SETD5: variants seen among roughly 807,000 people sequenced by gnomAD.
SETD5 encodes the protein SET domain containing 5.
Under a neutral mutation model 153.3 loss-of-function variants are expected in SETD5, and 44 were observed. The observed-to-expected ratio is 0.29, with a 90% CI of 0.23 to 0.37. SETD5 has a LOEUF of 0.37. Ranked by LOEUF, SETD5 falls within the 10% of genes least tolerant of loss-of-function variation. The probability of loss-of-function intolerance (pLI) is 1.00; values close to 1 mark genes in which losing one functional copy is unlikely to be tolerated. For missense variants in SETD5, 1,544 were observed against 1,768.0 expected (o/e 0.87, Z 2.27); for synonymous variants, 716 against 645.2 (o/e 1.11, Z -1.66).
In SETD5 at chr3:9,440,537, T is replaced by C; in HGVS notation, c.649T>C (p.Tyr217His). Residue 217 changes from tyrosine to histidine, a missense_variant, in exon 8 of 23, where the codon TAT becomes CAT. This residue lies in a region of SETD5 where 251 missense variants were observed against 326.9 expected (regional missense o/e 0.77). Transcript: ENST00000402198. ...ENRIRLWTDQYEEAFTNQYSA... is the reference protein window; with the variant it reads ...ENRIRLWTDQHEEAFTNQYSA... Reference sequence around the variant, plus strand: ...TCGGATAAGACTATGGACTGACCAGTATGAAGAAGCTTTCACTAATCAGTA... The same window carrying C: ...TCGGATAAGACTATGGACTGACCAGCATGAAGAAGCTTTCACTAATCAGTA... 1 of 1,613,940 alleles carries C rather than the reference T, an allele frequency of 6.2e-7. No homozygotes were observed. The highest frequency in any genetic ancestry group is 8.5e-7 in the Non-Finnish European group (1 of 1,179,834).
At chr3:9,436,997 A>C (rs998408874) in intron 7 of SETD5, 1 of 987,422 alleles carries the variant, frequency 1.0e-6, no homozygotes, top group Non-Finnish European at 1.5e-6. Flanking sequence ...TCTGCTTTTC[A>C]TTAGTTTGTA....
intron 7 of SETD5, among the ~76,000 whole-genome samples, chr3:9,437,433 G>C (rs2040705522): frequency 1.3e-5 from 2 of 152,190 alleles, no homozygotes; most frequent in African/African-American, 4.8e-5. Context: ...CAAGTATGTG[G>C]AATGGTTTAA....
At chr3:9,399,858 G>T (rs73115804) in intron 1 of SETD5, among the ~76,000 whole-genome samples, 17,548 of 150,496 alleles carry the variant, frequency 0.12, 1,396 homozygotes, top group Non-Finnish European at 0.18. Context: ...TGTGTAAGGA[G>T]TGGGGGTGGG....
rs1363300440 is a variant in SETD5, at chr3:9,464,445, A to C, written c.2497A>C (p.Lys833Gln). Residue 833 changes from lysine to glutamine, a missense_variant, in exon 18 of 23, where the codon AAA becomes CAA. Coordinates refer to ENST00000402198, the MANE Select transcript of SETD5 (RefSeq NM_001080517.3). Reference sequence around the variant, plus strand: ...CACAGACTTGTTGAGCCCATTAAAGAAATGGAAGTCTCGCTATCTGATGGA... The same window carrying C: ...CACAGACTTGTTGAGCCCATTAAAGCAATGGAAGTCTCGCTATCTGATGGA... Reference protein sequence around the residue: ...DNADLLSPLKKWKSRYLMEQN... With the variant: ...DNADLLSPLKQWKSRYLMEQN... 3 of 1,611,902 alleles carry C rather than the reference A, an allele frequency of 1.9e-6. No homozygotes were observed. Among genetic ancestry groups the C allele is most frequent in the South Asian group, 1.1e-5 (1 of 91,070 alleles).
rs1419822163 is a variant in SETD5 at position 9,464,682 on chromosome 3, G to A, written c.2724+10G>A. 1.2e-6 allele frequency: 2 copies of A among 1,614,002 alleles called. No individual in the cohort carries two copies. The highest frequency in any genetic ancestry group is 1.7e-6 in the Non-Finnish European group (2 of 1,179,886). On this transcript the variant is annotated intron_variant, in intron 18 of 22. Transcript: ENST00000402198. Reference sequence around the variant, plus strand: ...TCCTCTACAGTTTGAGGTGATTTGGGTTTGGTTGCTGGGAGTGCTGGATAT... The same window carrying A: ...TCCTCTACAGTTTGAGGTGATTTGGATTTGGTTGCTGGGAGTGCTGGATAT...
At chr3:9,406,388 G>T (rs1344078710) in intron 1 of SETD5, among the ~76,000 whole-genome samples, 1 of 152,088 alleles carries the variant, frequency 6.6e-6, no homozygotes, top group African/African-American at 2.4e-5. Flanking sequence ...AAACTACTAT[G>T]CCCATGGAAG....
chr3:9,411,273 C>T (rs1159157274), intron 1 of SETD5, among the ~76,000 whole-genome samples: 1 of 151,988 alleles, frequency 6.6e-6, no homozygotes, highest in East Asian at 1.9e-4. Context: ...TGCCCTTAGA[C>T]CTGAAATGTA....
Position 9,447,134 on chromosome 3 carries a change from G to A in SETD5, c.1609G>A (p.Glu537Lys), listed in dbSNP as rs1465961693. 1.9e-6 allele frequency: 3 copies of A among 1,614,008 alleles called. No homozygotes were observed. Among genetic ancestry groups the A allele is most frequent in the South Asian group, 1.1e-5 (1 of 91,072 alleles). Residue 537 changes from glutamate to lysine, a missense_variant, in exon 14 of 23, where the codon GAA becomes AAA. Coordinates refer to ENST00000402198, the MANE Select transcript of SETD5 (RefSeq NM_001080517.3). ...AAAGAAGCGGCGGGATCAGCCCTTG[G>A]AACAGAGCAACTCTGATGTAGAGAT... is the stretch of plus-strand genomic sequence containing the variant. ...KRKKRRDQPL[E>K]QSNSDVEITT...
chr3:9,418,566 G>A (rs1177962373), intron 1 of SETD5, among the ~76,000 whole-genome samples: 1 of 152,096 alleles, frequency 6.6e-6, no homozygotes, highest in Non-Finnish European at 1.5e-5. Context: ...AATCACATAG[G>A]CTGAAGCAGG....
chr3:9,450,998 G>A (rs1219318222), intron 16 of SETD5, among the ~76,000 whole-genome samples: 2 of 152,076 alleles, frequency 1.3e-5, no homozygotes, highest in Non-Finnish European at 2.9e-5. Flanking sequence ...GAAGCATTTT[G>A]CATTTTTTAG....
At chr3:9,460,895 G>A (rs377014232) in intron 17 of SETD5, among the ~76,000 whole-genome samples, 3 of 152,176 alleles carry the variant, frequency 2.0e-5, no homozygotes, top group Admixed American at 6.5e-5. Context: ...AGGAAAATAG[G>A]CTGGCATTTT....
chr3:9,424,997 C>A (rs1164620276), intron 2 of SETD5, among the ~76,000 whole-genome samples: 2 of 147,274 alleles, frequency 1.4e-5, no homozygotes, highest in Non-Finnish European at 1.5e-5. Flanking sequence ...TTAAACTAGA[C>A]ACAAGGAAAA....
chr3:9,454,311 A>G lies in SETD5; in HGVS notation c.2476+443A>G, dbSNP rs905700738. Among the ~76,000 whole-genome samples the G allele has an allele frequency of 3.3e-5, 5 of 152,132 alleles. No homozygotes were observed. The South Asian group carries it at 1.0e-3, about 32-fold the overall frequency. On this transcript the variant is annotated intron_variant, in intron 17 of 22. Transcript: ENST00000402198. ...TGATTGTTTTCAAAGGGGCTTGTAT[A>G]ATTAGCATACAATTTTTAAAAGAAC...
rs199595728 is a variant in SETD5, at chr3:9,447,909, G to C, written c.2006G>C (p.Gly669Ala). 786 of 1,613,944 alleles carry C rather than the reference G, an allele frequency of 4.9e-4. 1 individual carries two copies. Among genetic ancestry groups the C allele is most frequent in the South Asian group, 5.9e-4 (54 of 91,082 alleles). The change falls in exon 15 of 23, where the codon GGA (glycine) becomes GCA (alanine). Residue 669 changes from glycine (G) to alanine (A), a missense_variant. By Grantham distance (60) the Gly-to-Ala change is moderately conservative (BLOSUM62 0). Coordinates refer to ENST00000402198, the MANE Select transcript of SETD5 (RefSeq NM_001080517.3). ...PTEAGSLDSS[G>A]ENRPLTGSDP... Reference sequence around the variant, plus strand: ...GAAGCTGGAAGTCTAGACAGTTCAGGAGAAAACAGGCCATTAACAGGGTCT... The same window carrying C: ...GAAGCTGGAAGTCTAGACAGTTCAGCAGAAAACAGGCCATTAACAGGGTCT...
chr3:9,418,138 C>CG (rs2037815414), intron 1 of SETD5, among the ~76,000 whole-genome samples: 1 of 151,134 alleles, frequency 6.6e-6, no homozygotes, highest in Non-Finnish European at 1.5e-5. Context: ...TTAGTAGAGA[C>CG]GGAGTTTCAC....
chr3:9,468,368 A>T (rs989523072), intron 18 of SETD5, among the ~76,000 whole-genome samples: 1 of 152,190 alleles, frequency 6.6e-6, no homozygotes, highest in Non-Finnish European at 1.5e-5. Flanking sequence ...TGAGTTCTGC[A>T]GTTAAATATT....
intron 8 of SETD5, 143 bp downstream of exon 8, chr3:9,440,841 C>T (rs2041189738): frequency 3.8e-6 from 4 of 1,051,008 alleles, no homozygotes; most frequent in Non-Finnish European, 5.3e-6. Context: ...CATATGTAAC[C>T]AAAAGTAGGT....
intron 1 of SETD5, among the ~76,000 whole-genome samples, chr3:9,423,609 C>A (rs900902208): frequency 1.3e-5 from 2 of 151,736 alleles, no homozygotes; most frequent in African/African-American, 2.4e-5. Context: ...ACTTTTATTT[C>A]TCTAATTCTG....
intron 7 of SETD5, among the ~76,000 whole-genome samples, chr3:9,439,503 A>G (rs2041010083): frequency 1.3e-5 from 2 of 152,234 alleles, no homozygotes; most frequent in African/African-American, 2.4e-5. Context: ...CTTTGGTACT[A>G]CAGTGTCTTT....
Sources: allele counts gnomAD v4.1 joint callset (sites outside exome capture counted in the v4.1 genomes callset), GRCh38; gene constraint gnomAD v4.1.1; regional missense constraint gnomAD v4.1.1; transcripts MANE v1.5; gene names NCBI Gene and HGNC (gene_info 2026-07-23, HGNC 2026-07-21).